The following POLR3G variants were observed in gnomAD, a reference collection of about 807,000 sequenced individuals.
The protein encoded by POLR3G is DNA-directed RNA polymerase III subunit RPC7.
A neutral mutation model predicts 30.1 loss-of-function variants in POLR3G; 28 were observed. That is an observed-to-expected ratio of 0.93 (90% CI 0.69 to 1.27). The LOEUF (loss-of-function observed/expected upper bound fraction) is 1.27. POLR3G is among the 50% of genes most tolerant of loss of function. POLR3G has a pLI of 0.00. For missense variants in POLR3G, 254 were observed against 264.6 expected, an observed-to-expected ratio of 0.96 and a Z score of 0.28; for synonymous variants, 79 against 82.5, an observed-to-expected ratio of 0.96 and a Z score of 0.23.
chr5:90,502,256 C>A, intron 6 of POLR3G: 1 of 982,520 alleles, frequency 1.0e-6, no homozygotes, highest in Non-Finnish European at 1.2e-6. Context: ...CCCCTTTCCG[C>A]TTATATTTGA....
intron 3 of POLR3G, among the ~76,000 whole-genome samples, chr5:90,494,097 A>C (rs1751870958): frequency 6.6e-6 from 1 of 151,802 alleles, no homozygotes; most frequent in Non-Finnish European, 1.5e-5. Context: ...CCTCCTTCCA[A>C]CCCATGGCAC....
At chr5:90,488,224 C>A (rs544939187) in intron 3 of POLR3G, 95 bp downstream of exon 3, 2 of 1,089,498 alleles carry the variant, frequency 1.8e-6, no homozygotes, top group South Asian at 3.8e-5. Context: ...TTGATTGATT[C>A]GATTCAATAA....
chr5:90,501,994 G>A lies in POLR3G; in HGVS notation c.438+6G>A. 1 of 1,610,822 alleles carries A rather than the reference G, an allele frequency of 6.2e-7. No individual in the cohort carries two copies. The highest frequency in any genetic ancestry group is 8.5e-7 in the Non-Finnish European group (1 of 1,178,258). The stretch of plus-strand genomic sequence containing the variant: ...ATGTGTTGAAAAAAATGGAGGTAAG[G>A]TTTTCTTCTTACTATACAAGTGAAC... On this transcript the variant is annotated splice_donor_region_variant and intron_variant, in intron 6 of 7. Coordinates refer to ENST00000651687, the MANE Select transcript of POLR3G (RefSeq NM_006467.3).
intron 3 of POLR3G, chr5:90,490,633 TC>T (rs1197879552): frequency 2.5e-6 from 1 of 401,910 alleles, no homozygotes; most frequent in Non-Finnish European, 5.0e-6. Flanking sequence ...GGTCTCACAT[TC>T]CTGGCTTCAA....
chr5:90,495,814 T>A, intron 4 of POLR3G, 81 bp downstream of exon 4: 1 of 1,478,208 alleles, frequency 6.8e-7, no homozygotes, highest in Admixed American at 2.7e-5. Context: ...GAATAAGTTT[T>A]CTATTTTTAC....
At chr5:90,508,523 G>T (rs1239309923) in intron 7 of POLR3G, among the ~76,000 whole-genome samples, 3 of 151,258 alleles carry the variant, frequency 2.0e-5, no homozygotes, top group African/African-American at 7.3e-5. Context: ...AAAATATGTT[G>T]TCCACATTCT....
upstream of POLR3G, chr5:90,474,430 G>A (rs1380564755): frequency 1.6e-5 from 12 of 751,252 alleles, no homozygotes; most frequent in East Asian, 1.9e-4. Flanking sequence ...GCGGGGGCGT[G>A]GGATGCGGGG....
At chr5:90,481,773 T>C (rs1751134730) in intron 1 of POLR3G, among the ~76,000 whole-genome samples, 1 of 152,204 alleles carries the variant, frequency 6.6e-6, no homozygotes, top group Admixed American at 6.5e-5. Flanking sequence ...ATGTGATAAC[T>C]AAGAAATGTG....
Position 90,497,685 on chromosome 5 carries a change from C to T in POLR3G, c.334C>T (p.Pro112Ser), listed in dbSNP as rs371785299. ...GAGAAGACTTCCAAGAGAGATGATG[C>T]CAAGAAATAAATGTAAAAAAGGTAC... ...DWRRLPREMM[P>S]RNKCKKAGPK... The change falls in exon 5 of 8, where the codon CCA (proline) becomes TCA (serine). Residue 112 changes from proline to serine, a missense_variant. By Grantham distance (74) the Pro-to-Ser change is moderately conservative. Coordinates refer to ENST00000651687, the MANE Select transcript of POLR3G (RefSeq NM_006467.3). 1.2e-5 allele frequency: 19 copies of T among 1,601,790 alleles called. No individual in the cohort carries two copies. In the East Asian group the frequency reaches 2.3e-4, roughly 19 times the overall value.
intron 3 of POLR3G, among the ~76,000 whole-genome samples, chr5:90,493,992 T>G (rs1288738375): frequency 6.6e-6 from 1 of 152,086 alleles, no homozygotes; most frequent in East Asian, 1.9e-4. Flanking sequence ...ATTACAGGTG[T>G]GAGCCACTGT....
chr5:90,478,586 T>TTTTTTTTTTTTTTTTTTGG (rs70999487), intron 1 of POLR3G, among the ~76,000 whole-genome samples: 1 of 146,924 alleles, frequency 6.8e-6, no homozygotes, highest in African/African-American at 2.5e-5. Flanking sequence ...TTTTTTTTTT[T>TTTTTTTTTTTTTTTTTTGG]GAGAGGGAGC....
intron 2 of POLR3G, among the ~76,000 whole-genome samples, chr5:90,487,332 C>G (rs1343936924): frequency 7.2e-6 from 1 of 138,652 alleles, no homozygotes; most frequent in Non-Finnish European, 1.5e-5. Flanking sequence ...AAAGCAGCTG[C>G]TCTCATTTGG....
rs888470287 is a variant in POLR3G at position 90,513,430 on chromosome 5, T to C, written c.*1291T>C. On this transcript the variant is annotated 3_prime_UTR_variant, in exon 8 of 8. Coordinates refer to ENST00000651687, the MANE Select transcript of POLR3G (RefSeq NM_006467.3). ...TAAACACCAACCAAAATTTACCATA[T>C]GTATTCATTCTCTTGCCTTAAAGAT... 1 of 152,640 alleles carries C rather than the reference T, an allele frequency of 6.6e-6. No homozygotes were observed. Among genetic ancestry groups the C allele is most frequent in the Non-Finnish European group, 1.5e-5 (1 of 68,026 alleles). The allele number at this position is 152,640 out of a possible 1,614,324, so 9.5% of individuals were successfully genotyped here. A position where few individuals can be genotyped will look rare whatever the true frequency, so the allele number is the denominator to read the frequency against.
rs140407177 is a variant in POLR3G at position 90,502,255 on chromosome 5, G to A, written c.438+267G>A. The stretch of plus-strand genomic sequence containing the variant: ...TCTTTTTCACTGTATCCCCCTTTCC[G>A]CTTATATTTGAATCATGCAGGCAGA... On this transcript the variant is annotated intron_variant, in intron 6 of 7. Coordinates refer to ENST00000651687, the MANE Select transcript of POLR3G (RefSeq NM_006467.3). 640 of 982,170 alleles carry A rather than the reference G, an allele frequency of 6.5e-4. 5 individuals carry two copies. The African/African-American group carries it at 9.6e-3, about 15-fold the overall frequency. 60.8% of individuals were successfully genotyped at this position (982,170 alleles called of 1,614,324 possible).
chr5:90,482,652 T>C (rs1216081368), intron 1 of POLR3G, among the ~76,000 whole-genome samples: 3 of 152,304 alleles, frequency 2.0e-5, no homozygotes, highest in East Asian at 1.9e-4. Context: ...GCTTGAGATA[T>C]TTTGCAGACC....
intron 3 of POLR3G, among the ~76,000 whole-genome samples, chr5:90,491,771 A>G (rs1019413495): frequency 6.6e-6 from 1 of 152,126 alleles, no homozygotes. Context: ...CATACATATT[A>G]TCTCATCACT....
chr5:90,505,653 T>G (rs1337570335), intron 6 of POLR3G, among the ~76,000 whole-genome samples: 2 of 152,206 alleles, frequency 1.3e-5, no homozygotes, highest in African/African-American at 2.4e-5. Context: ...TTTCTCTCTT[T>G]CTTCTCAATC....
intron 5 of POLR3G, among the ~76,000 whole-genome samples, chr5:90,499,971 A>G (rs909610012): frequency 1.3e-5 from 2 of 152,204 alleles, no homozygotes; most frequent in Non-Finnish European, 2.9e-5. Flanking sequence ...CTAGAGGATC[A>G]CACATCTGTA....
chr5:90,491,420 T>G (rs1316053215), intron 3 of POLR3G, among the ~76,000 whole-genome samples: 1 of 152,148 alleles, frequency 6.6e-6, no homozygotes, highest in Non-Finnish European at 1.5e-5. Flanking sequence ...TTAATGGAAA[T>G]TATACATTTA....
Sources: gnomAD v4.1 joint callset for allele counts (sites outside exome capture counted in the v4.1 genomes callset) on GRCh38, gnomAD v4.1.1 for gene constraint, MANE v1.5 for transcripts, NCBI Gene and HGNC (gene_info 2026-07-23, HGNC 2026-07-21) for gene names.